Variants in CENPM observed in about 807,000 individuals in gnomAD.
CENPM encodes the protein centromere protein M.
CENPM carries 14 observed loss-of-function variants against 19.6 expected under a neutral mutation model. The ratio of observed to expected loss-of-function variants is 0.71; its 90% confidence interval spans 0.47 to 1.11. The LOEUF (loss-of-function observed/expected upper bound fraction) is 1.11, where lower values mean the gene tolerates loss of function less well. Ranked by LOEUF, CENPM falls within the 50% of genes most tolerant of loss-of-function variation. The probability of loss-of-function intolerance (pLI) is 0.00; values close to 1 mark genes in which losing one functional copy is unlikely to be tolerated. For synonymous variants in CENPM, 114 were observed against 101.5 expected, an observed-to-expected ratio of 1.12 and a Z score of -0.74; for missense variants, 239 against 228.4, an observed-to-expected ratio of 1.05 and a Z score of -0.30.
Position 41,939,136 on chromosome 22 carries a change from C to T in CENPM, c.463G>A (p.Gly155Ser). The T allele has an allele frequency of 1.2e-6, 2 of 1,612,900 alleles. No homozygotes were observed. Among genetic ancestry groups the T allele is most frequent in the Non-Finnish European group, 1.7e-6 (2 of 1,179,934 alleles). ...RLVRVLQICAGHVPGVSALNL... is the reference protein window; with the variant it reads ...RLVRVLQICASHVPGVSALNL... ...AGAGCTGAGACACCGGGCACGTGGC[C>T]AGCACAGATCTGCAGCACGCGCACC... Residue 155 changes from glycine to serine, a missense_variant, in exon 6 of 6, where the codon GGC (glycine) becomes AGC (serine). Transcript: ENST00000215980.
chr22:41,935,375 C>A (rs1283228893), downstream of CENPM, among the ~76,000 whole-genome samples: 2 of 152,072 alleles, frequency 1.3e-5, no homozygotes, highest in Admixed American at 1.3e-4. Flanking sequence ...CGCCTTCCTC[C>A]CCTGCTTGGA....
the CENPM span, among the ~76,000 whole-genome samples, chr22:41,930,144 C>T: frequency 2.0e-5 from 3 of 150,308 alleles, no homozygotes; most frequent in Admixed American, 6.7e-5. Context: ...GGGGTTTCAC[C>T]GTTAGCCAGG....
At chr22:41,930,680 G>A in the CENPM span, among the ~76,000 whole-genome samples, 6 of 151,358 alleles carry the variant, frequency 4.0e-5, no homozygotes, top group African/African-American at 1.2e-4. Context: ...CACCAGGCCC[G>A]GCTAATTTTT....
intron 5 of CENPM, among the ~76,000 whole-genome samples, chr22:41,942,190 G>A (rs1246635604): frequency 6.6e-6 from 1 of 152,246 alleles, no homozygotes; most frequent in Admixed American, 6.5e-5. Context: ...CAAAGGAATG[G>A]AGCAGGCCTG....
Position 41,945,228 on chromosome 22 carries a change from C to T in CENPM, c.307G>A (p.Gly103Ser). The change falls in exon 4 of 6, where the codon GGT becomes AGT. Residue 103 changes from glycine to serine, a missense_variant. Physicochemically the swap from Gly to Ser is moderately conservative, Grantham distance 56. Coordinates refer to ENST00000215980, the MANE Select transcript of CENPM (RefSeq NM_024053.5). ...FLGKVCFLATGAGRESHCSIH... is the reference protein window; with the variant it reads ...FLGKVCFLATSAGRESHCSIH... ...AACAGGCGAGGAACGTACTTACCAC[C>T]TGTGGCGAGGAAACACACCTTCCCC... 6.2e-7 allele frequency: 1 copy of T among 1,613,978 alleles called. No individual in the cohort carries two copies. The highest frequency in any genetic ancestry group is 8.5e-7 in the Non-Finnish European group (1 of 1,179,988).
the CENPM span, among the ~76,000 whole-genome samples, chr22:41,932,128 C>T: frequency 6.6e-6 from 1 of 151,840 alleles, no homozygotes; most frequent in Non-Finnish European, 1.5e-5. The surrounding 1 kb of genome is among the most constrained non-coding windows in gnomAD (Gnocchi z 4.3). Flanking sequence ...GTGGAGATGG[C>T]TCTGCTGGCT....
At position 41,939,017 on chromosome 22, in the gene CENPM, C is replaced by A; in HGVS notation, c.*39G>T. Reference sequence around the variant, plus strand: ...ACAGAGAATGTTTATGGAGTCAGCACGAAGCCATGAGAAGGGGCAGCCCAG... The same window carrying A: ...ACAGAGAATGTTTATGGAGTCAGCAAGAAGCCATGAGAAGGGGCAGCCCAG... On this transcript the variant is annotated 3_prime_UTR_variant, in exon 6 of 6. Transcript: ENST00000215980. 6.2e-7 allele frequency: 1 copy of A among 1,608,900 alleles called. No homozygotes were observed. Among genetic ancestry groups the A allele is most frequent in the Non-Finnish European group, 8.5e-7 (1 of 1,177,764 alleles).
chr22:41,935,211 T>A (rs1429345285), downstream of CENPM, among the ~76,000 whole-genome samples: 1 of 152,134 alleles, frequency 6.6e-6, no homozygotes, highest in Non-Finnish European at 1.5e-5. Flanking sequence ...CCACTTCTCT[T>A]GTTAAATGGT....
At chr22:41,927,812 C>G in the CENPM span, among the ~76,000 whole-genome samples, 1 of 152,154 alleles carries the variant, frequency 6.6e-6, no homozygotes, top group Admixed American at 6.5e-5. Context: ...ACATCAGACA[C>G]TTGTACCAGG....
chr22:41,935,203 A>G (rs1436285280), downstream of CENPM, among the ~76,000 whole-genome samples: 1 of 152,120 alleles, frequency 6.6e-6, no homozygotes, highest in Non-Finnish European at 1.5e-5. Flanking sequence ...ATGCGATGCC[A>G]CTTCTCTTGT....
Position 41,947,132 on chromosome 22 carries a change from C to G in CENPM, c.-56G>C. 2 of 1,573,106 alleles carry G rather than the reference C, an allele frequency of 1.3e-6. No homozygotes were observed. The highest frequency in any genetic ancestry group is 2.2e-5 in the South Asian group (2 of 89,512). ...GGTGCGCGCCGATCTTTCAAACCGC[C>G]CTGAGTCCAGCCCCTAGAGCGCGGC... On this transcript the variant is annotated 5_prime_UTR_variant, in exon 1 of 6. Coordinates refer to ENST00000215980, the MANE Select transcript of CENPM (RefSeq NM_024053.5).
downstream of CENPM, among the ~76,000 whole-genome samples, chr22:41,935,566 C>T (rs942041133): frequency 1.3e-5 from 2 of 152,212 alleles, no homozygotes; most frequent in Non-Finnish European, 2.9e-5. Context: ...CACCTCCAGC[C>T]TCTTCCTTCT....
At chr22:41,946,331 C>T in intron 2 of CENPM, 86 bp downstream of exon 2, 1 of 1,137,490 alleles carries the variant, frequency 8.8e-7, no homozygotes, top group Non-Finnish European at 1.3e-6. Flanking sequence ...GAGGAGGGGG[C>T]GCTGGGCTTC....
At chr22:41,944,853 A>C in intron 4 of CENPM, 1 of 1,040,024 alleles carries the variant, frequency 9.6e-7, no homozygotes, top group South Asian at 3.3e-5. Flanking sequence ...TGGCAGAGTT[A>C]TCTGCTCATA....
chr22:41,934,803 C>T (rs1196036024), downstream of CENPM, among the ~76,000 whole-genome samples: 7 of 152,220 alleles, frequency 4.6e-5, no homozygotes, highest in South Asian at 2.1e-4. Context: ...CCTGAGGTCA[C>T]GCCACCAAGC....
At position 41,946,760 on chromosome 22, in the gene CENPM, CG is replaced by C. The variant is rs1420875095; in HGVS notation, c.57+259del. Reference sequence around the variant, plus strand: ...CTCCAGGAGGCCAGACCCCCAGACGCGGGAAAACCAATTCCAGGCGCGGGAA... The same window carrying C: ...CTCCAGGAGGCCAGACCCCCAGACGCGGAAAACCAATTCCAGGCGCGGGAA... On this transcript the variant is annotated intron_variant, in intron 1 of 5. Coordinates refer to ENST00000215980, the MANE Select transcript of CENPM (RefSeq NM_024053.5). 2.3e-5 allele frequency: 14 copies of C among 599,602 alleles called. No individual in the cohort carries two copies. The East Asian group carries it at 3.1e-4, about 13-fold the overall frequency. 37.1% of individuals were successfully genotyped at this position (599,602 alleles called of 1,614,324 possible). A position where few individuals can be genotyped will look rare whatever the true frequency, so the allele number is the denominator to read the frequency against.
chr22:41,946,222 G>C (rs2077799819), intron 2 of CENPM, 195 bp downstream of exon 2: 2 of 648,256 alleles, frequency 3.1e-6, no homozygotes, highest in African/African-American at 1.8e-5. Flanking sequence ...TGCCAGAAAC[G>C]GGCTCTGTTT....
In CENPM at chr22:41,945,299, T is replaced by C. The variant is rs774199074; in HGVS notation, c.236A>G (p.Gln79Arg). ...ATGGCGCAGGGACTCCTCTGTGTTC[T>C]GGAGACTGGGGTGGCCAGGCCAGGG... is the stretch of plus-strand genomic sequence containing the variant. The part of the protein sequence containing the change: ...VVNLHSKYSL[Q>R]NTEESLRHVD... The change falls in exon 4 of 6, where the codon CAG (glutamine) becomes CGG (arginine). Residue 79 changes from glutamine to arginine, a missense_variant. By Grantham distance (43) the Gln-to-Arg change is conservative (BLOSUM62 1). Transcript: ENST00000215980. 2 of 1,614,022 alleles carry C rather than the reference T, an allele frequency of 1.2e-6. No individual in the cohort carries two copies. Among genetic ancestry groups the C allele is most frequent in the South Asian group, 2.2e-5 (2 of 91,082 alleles).
At chr22:41,928,126 G>A in the CENPM span, 14 of 388,868 alleles carry the variant, frequency 3.6e-5, no homozygotes, top group Admixed American at 8.9e-5. The surrounding 1 kb of genome is among the most constrained non-coding windows in gnomAD (Gnocchi z 4.0). Context: ...TGGGGGACAC[G>A]AGGGAGCCAC....
Sources: gnomAD v4.1 joint callset for allele counts (sites outside exome capture counted in the v4.1 genomes callset) on GRCh38, gnomAD v4.1.1 for gene constraint, Gnocchi (gnomAD v3.1) non-coding constraint, MANE v1.5 for transcripts, NCBI Gene and HGNC (gene_info 2026-07-23, HGNC 2026-07-21) for gene names.